RHBDD2: variants seen among roughly 807,000 people sequenced by gnomAD.
The protein encoded by RHBDD2 is rhomboid domain-containing protein 2.
In RHBDD2, 13 loss-of-function variants were observed where a neutral mutation model predicts 21.7. The observed-to-expected ratio is 0.60, with a 90% CI of 0.39 to 0.95. The LOEUF is 0.95. Ranked by LOEUF, RHBDD2 falls within the 40% of genes least tolerant of loss-of-function variation. The pLI, the probability that RHBDD2 is intolerant of heterozygous loss-of-function variation, is 0.00. For synonymous variants in RHBDD2, 225 were observed against 220.0 expected (o/e 1.02, Z -0.20); for missense variants, 473 against 478.9 (o/e 0.99, Z 0.11).
chr7:75,886,130 G>C (rs944042459), intron 3 of RHBDD2, among the ~76,000 whole-genome samples: 1 of 152,198 alleles, frequency 6.6e-6, no homozygotes, highest in African/African-American at 2.4e-5. Context: ...CCCGCCACCA[G>C]CTGTGGAGTA....
chr7:75,879,420 C>T lies in RHBDD2; in HGVS notation c.178+160C>T, dbSNP rs147428979. Among the ~76,000 whole-genome samples, 521 of 152,340 alleles carry T rather than the reference C, an allele frequency of 3.4e-3. 1 individual carries two copies. The highest frequency in any genetic ancestry group is 0.012 in the African/African-American group (508 of 41,594). On this transcript the variant is annotated intron_variant, in intron 1 of 3. Coordinates refer to ENST00000006777, the MANE Select transcript of RHBDD2 (RefSeq NM_001040456.3). Reference sequence around the variant, plus strand: ...GCCCGCCCCCCGGAGGACCGACCTCCAGCACCGTCTCTTGCTCTCCGTGTT... The same window carrying T: ...GCCCGCCCCCCGGAGGACCGACCTCTAGCACCGTCTCTTGCTCTCCGTGTT...
intron 1 of RHBDD2, 141 bp downstream of exon 1, chr7:75,879,401 C>T: frequency 2.5e-6 from 2 of 786,964 alleles, no homozygotes. Flanking sequence ...CCATGCCCGC[C>T]CCCCGGAGGA....
chr7:75,888,205 C>T lies in RHBDD2; in HGVS notation c.951C>T (p.Ser317=). 1 of 1,613,870 alleles carries T rather than the reference C, an allele frequency of 6.2e-7. No homozygotes were observed. The highest frequency in any genetic ancestry group is 8.5e-7 in the Non-Finnish European group (1 of 1,180,038). ...ACTTTGGTCCAAACCCCACCTCCTCCAGTGTCTACCCAGCTTCTGCGGGCA... is the reference window on the plus strand; with the variant it reads ...ACTTTGGTCCAAACCCCACCTCCTCTAGTGTCTACCCAGCTTCTGCGGGCA... ...QNHFGPNPTS[S]SVYPASAGTS... Residue 317 remains serine (S), a synonymous_variant, in exon 4 of 4, where the codon TCC becomes TCT. Coordinates refer to ENST00000006777, the MANE Select transcript of RHBDD2 (RefSeq NM_001040456.3).
rs782078235 is a variant in RHBDD2 at position 75,879,059 on chromosome 7, C to A, written c.-24C>A. On this transcript the variant is annotated 5_prime_UTR_variant, in exon 1 of 4. Coordinates refer to ENST00000006777, the MANE Select transcript of RHBDD2 (RefSeq NM_001040456.3). ...AGAGGACCGGCAGCCGGCGTCGAGG[C>A]GGGGCGCGGGAACGACGGCGGCCAT... 14 of 1,366,880 alleles carry A rather than the reference C, an allele frequency of 1.0e-5. No individual in the cohort carries two copies. Among genetic ancestry groups the A allele is most frequent in the Non-Finnish European group, 1.3e-5 (14 of 1,056,722 alleles). 84.7% of individuals were successfully genotyped at this position (1,366,880 alleles called of 1,614,324 possible). A position where few individuals can be genotyped will look rare whatever the true frequency, so the allele number is the denominator to read the frequency against.
Position 75,879,129 on chromosome 7 carries a change from A to C in RHBDD2, c.47A>C (p.Glu16Ala). The C allele has an allele frequency of 7.0e-7, 1 of 1,433,882 alleles. No homozygotes were observed. The highest frequency in any genetic ancestry group is 1.4e-5 in the South Asian group (1 of 72,148). 88.8% of individuals were successfully genotyped at this position (1,433,882 alleles called of 1,614,324 possible). A position where few individuals can be genotyped will look rare whatever the true frequency, so the allele number is the denominator to read the frequency against. ...TGTCGCAGCTGGTGCTTGTGTCCCGAGGTGCCATCCGCCACCTTCTTCACT... is the reference window on the plus strand; with the variant it reads ...TGTCGCAGCTGGTGCTTGTGTCCCGCGGTGCCATCCGCCACCTTCTTCACT... Reference protein sequence around the residue: ...PGCRSWCLCPEVPSATFFTAL... With the variant: ...PGCRSWCLCPAVPSATFFTAL... Residue 16 changes from glutamate (E) to alanine (A), a missense_variant, in exon 1 of 4, where the codon GAG (glutamate) becomes GCG (alanine). Physicochemically the swap from Glu to Ala is moderately radical, Grantham distance 107. Coordinates refer to ENST00000006777, the MANE Select transcript of RHBDD2 (RefSeq NM_001040456.3).
Position 75,881,884 on chromosome 7 carries a change from C to CGGCGCTATCATCATCT in RHBDD2, c.241_256dup (p.Phe86TyrfsTer106), listed in dbSNP as rs1563376185. 2 of 1,613,868 alleles carry CGGCGCTATCATCATCT rather than the reference C, an allele frequency of 1.2e-6. No individual in the cohort carries two copies. The highest frequency in any genetic ancestry group is 2.2e-5 in the East Asian group (1 of 44,878). ...ACGAGAATCCCATCTCCCTGCTCTGCGGCGCTATCATCATCTGGCGCTTTG... is the reference window on the plus strand; with the variant it reads ...ACGAGAATCCCATCTCCCTGCTCTGCGGCGCTATCATCATCTGGCGCTATCATCATCTGGCGCTTTG... On this transcript the variant is annotated frameshift_variant, in exon 2 of 4. Coordinates refer to ENST00000006777, the MANE Select transcript of RHBDD2 (RefSeq NM_001040456.3). LOFTEE classifies it high-confidence loss of function.
rs376134938 is a variant in RHBDD2, at chr7:75,879,118, C to G, written c.36C>G (p.Cys12Trp). The stretch of plus-strand genomic sequence containing the variant: ...CGGGGCCCGGGTGTCGCAGCTGGTG[C>G]TTGTGTCCCGAGGTGCCATCCGCCA... ...AASGPGCRSW[C>W]LCPEVPSATF... Residue 12 changes from cysteine to tryptophan, a missense_variant, in exon 1 of 4, where the codon TGC becomes TGG. Transcript: ENST00000006777. 62 of 1,404,812 alleles carry G rather than the reference C, an allele frequency of 4.4e-5. 1 individual carries two copies. The highest frequency in any genetic ancestry group is 4.3e-4 in the East Asian group (14 of 32,480). The allele number at this position is 1,404,812 out of a possible 1,614,324, so 87.0% of individuals were successfully genotyped here. A position where few individuals can be genotyped will look rare whatever the true frequency, so the allele number is the denominator to read the frequency against.
rs782779904 is a variant in RHBDD2 at position 75,883,679 on chromosome 7, C to T, written c.587-19C>T. ...CCTCCCTTTGCTGCCTCCAGTTTCA[C>T]TTAACACGCCAACCTCAGATGGCCT... On this transcript the variant is annotated intron_variant, in intron 2 of 3. Coordinates refer to ENST00000006777, the MANE Select transcript of RHBDD2 (RefSeq NM_001040456.3). 3.1e-5 allele frequency: 50 copies of T among 1,610,652 alleles called. No homozygotes were observed. The South Asian group carries it at 5.1e-4, about 16-fold the overall frequency.
In RHBDD2 at chr7:75,883,802, T is replaced by C. The variant is rs1805480034; in HGVS notation, c.691T>C (p.Tyr231His). The C allele has an allele frequency of 6.2e-7, 1 of 1,613,998 alleles. No homozygotes were observed. Among genetic ancestry groups the C allele is most frequent in the East Asian group, 2.2e-5 (1 of 44,882 alleles). Residue 231 changes from tyrosine to histidine, a missense_variant, in exon 3 of 4, where the codon TAC becomes CAC. Transcript: ENST00000006777. ...SLMRRISVFK[Y>H]VSGSSAERRA... ...GATGAGGAGGATATCCGTGTTCAAG[T>C]ACGTCTCAGGGTCTTCAGCCGAGAG... is the stretch of plus-strand genomic sequence containing the variant.
At chr7:75,885,398 C>T (rs1369626897) in intron 3 of RHBDD2, among the ~76,000 whole-genome samples, 2 of 152,056 alleles carry the variant, frequency 1.3e-5, no homozygotes, top group East Asian at 3.9e-4. Flanking sequence ...TAGGAGGCCA[C>T]CTCCCTCCCT....
chr7:75,888,140 C>T lies in RHBDD2; in HGVS notation c.886C>T (p.Pro296Ser). ...CCCCGGGCACATGCCCACCTTGCCT[C>T]CGTACCAGCCTGCCTCCGGCCTGTG... ...CTPGHMPTLP[P>S]YQPASGLCYV... The change falls in exon 4 of 4, where the codon CCG becomes TCG. Residue 296 changes from proline to serine, a missense_variant. By Grantham distance (74) the Pro-to-Ser change is moderately conservative. Coordinates refer to ENST00000006777, the MANE Select transcript of RHBDD2 (RefSeq NM_001040456.3). 1 of 1,613,844 alleles carries T rather than the reference C, an allele frequency of 6.2e-7. No homozygotes were observed.
chr7:75,887,553 A>T (rs1028045085), intron 3 of RHBDD2, among the ~76,000 whole-genome samples: 1 of 151,538 alleles, frequency 6.6e-6, no homozygotes, highest in South Asian at 2.1e-4. Flanking sequence ...CGAACTCCTG[A>T]CCTCAGATGA....
intron 2 of RHBDD2, 103 bp from the exon 3 acceptor site, chr7:75,883,595 A>G (rs1323521250): frequency 8.1e-6 from 8 of 988,238 alleles, no homozygotes; most frequent in Non-Finnish European, 1.2e-5. Flanking sequence ...CGTGCTAAGC[A>G]TGAAGGCTTC....
At position 75,888,129 on chromosome 7, in the gene RHBDD2, C is replaced by A. The variant is rs782713581; in HGVS notation, c.875C>A (p.Pro292His). 6.2e-7 allele frequency: 1 copy of A among 1,613,714 alleles called. No homozygotes were observed. The highest frequency in any genetic ancestry group is 8.5e-7 in the Non-Finnish European group (1 of 1,180,054). Residue 292 changes from proline to histidine, a missense_variant, in exon 4 of 4, where the codon CCC becomes CAC. Coordinates refer to ENST00000006777, the MANE Select transcript of RHBDD2 (RefSeq NM_001040456.3). Reference protein sequence around the residue: ...SWPSCTPGHMPTLPPYQPASG... With the variant: ...SWPSCTPGHMHTLPPYQPASG... ...CCCTCCTGCACCCCCGGGCACATGCCCACCTTGCCTCCGTACCAGCCTGCC... is the reference window on the plus strand; with the variant it reads ...CCCTCCTGCACCCCCGGGCACATGCACACCTTGCCTCCGTACCAGCCTGCC...
chr7:75,885,150 A>C (rs1805586436), intron 3 of RHBDD2, among the ~76,000 whole-genome samples: 1 of 150,442 alleles, frequency 6.6e-6, no homozygotes, highest in South Asian at 2.1e-4. Context: ...CAGACAGTCC[A>C]CACAGCCAAC....
At chr7:75,886,695 T>C (rs1805694368) in intron 3 of RHBDD2, among the ~76,000 whole-genome samples, 1 of 151,864 alleles carries the variant, frequency 6.6e-6, no homozygotes, top group African/African-American at 2.4e-5. Context: ...GCACCTGTAG[T>C]CCCAGCTACT....
chr7:75,885,128 A>G lies in RHBDD2; in HGVS notation c.737+1280A>G, dbSNP rs536117913. ...GACACTGTCTCCCAAGAAAAAAAAA[A>G]AAAAAAAGGTGCAGACAGTCCACAC... is the stretch of plus-strand genomic sequence containing the variant. On this transcript the variant is annotated intron_variant, in intron 3 of 3. Transcript: ENST00000006777. Among the ~76,000 whole-genome samples, 8 of 151,814 alleles carry G rather than the reference A, an allele frequency of 5.3e-5. No homozygotes were observed. The East Asian group carries it at 1.2e-3, about 22-fold the overall frequency.
In RHBDD2 at chr7:75,881,891, A is replaced by C; in HGVS notation, c.241A>C (p.Ile81Leu). ...TCCCATCTCCCTGCTCTGCGGCGCT[A>C]TCATCATCTGGCGCTTTGCTGGCAA... The part of the protein sequence containing the change: ...ENPISLLCGA[I>L]IIWRFAGNFE... Residue 81 changes from isoleucine to leucine, a missense_variant, in exon 2 of 4, where the codon ATC becomes CTC. Ile to Leu is a conservative substitution (Grantham distance 5, BLOSUM62 2). Transcript: ENST00000006777. The C allele has an allele frequency of 6.2e-7, 1 of 1,614,118 alleles. No individual in the cohort carries two copies. Among genetic ancestry groups the C allele is most frequent in the Non-Finnish European group, 8.5e-7 (1 of 1,179,998 alleles).
At chr7:75,879,438 T>G (rs1373751395) in intron 1 of RHBDD2, among the ~76,000 whole-genome samples, 178 bp downstream of exon 1, 1 of 152,218 alleles carries the variant, frequency 6.6e-6, no homozygotes, top group Admixed American at 6.5e-5. Flanking sequence ...TCTCTTGCTC[T>G]CCGTGTTCCA....
Sources: gnomAD v4.1 joint callset for allele counts (sites outside exome capture counted in the v4.1 genomes callset) on GRCh38, gnomAD v4.1.1 for gene constraint, MANE v1.5 for transcripts, NCBI Gene and HGNC (gene_info 2026-07-23, HGNC 2026-07-21) for gene names.